Variants in TNRC18 observed in about 807,000 individuals in gnomAD.
The protein encoded by TNRC18 is trinucleotide repeat-containing gene 18 protein.
A neutral mutation model predicts 226.7 loss-of-function variants in TNRC18; 69 were observed. The observed-to-expected ratio is 0.30, with a 90% CI of 0.25 to 0.37. The LOEUF is 0.37. Among genes scored for constraint, TNRC18 ranks in the 10% least tolerant of loss-of-function variants. TNRC18 has a pLI of 1.00. For missense variants in TNRC18, 4,754 were observed against 4,256.6 expected (o/e 1.12, Z -3.25); for synonymous variants, 2,449 against 1,927.6 (o/e 1.27, Z -7.09).
At position 5,359,546 on chromosome 7, in the gene TNRC18, G is replaced by A. The variant is rs772008918; in HGVS notation, c.4685C>T (p.Thr1562Ile). ...TGCTCCCAGCTCATAATCATCTGAT[G>A]TCAGCAGAGACTTGCTGCTCAGCCT... ...SGKLSSKSLLTSDDYELGAGI... is the reference protein window; with the variant it reads ...SGKLSSKSLLISDDYELGAGI... The change falls in exon 15 of 30, where the codon ACA becomes ATA. Residue 1562 changes from threonine to isoleucine, a missense_variant. Coordinates refer to ENST00000430969, the MANE Select transcript of TNRC18 (RefSeq NM_001080495.3). 1.2e-6 allele frequency: 2 copies of A among 1,613,952 alleles called. No homozygotes were observed. Among genetic ancestry groups the A allele is most frequent in the Non-Finnish European group, 1.7e-6 (2 of 1,179,890 alleles).
intron 2 of TNRC18, among the ~76,000 whole-genome samples, chr7:5,410,391 T>C (rs1362354308): frequency 6.7e-6 from 1 of 150,304 alleles, no homozygotes; most frequent in Non-Finnish European, 1.5e-5. Context: ...ATAGGAATAC[T>C]AGAGAGAATA....
intron 17 of TNRC18, among the ~76,000 whole-genome samples, chr7:5,347,500 C>A (rs112666765): frequency 4.0e-5 from 6 of 151,270 alleles, no homozygotes; most frequent in Non-Finnish European, 7.4e-5. Context: ...CCAGCCCCCC[C>A]GCAAAAATTT....
At chr7:5,360,527 A>ACCTG (rs1554285352) in intron 14 of TNRC18, among the ~76,000 whole-genome samples, 2 of 152,018 alleles carry the variant, frequency 1.3e-5, no homozygotes, top group Non-Finnish European at 2.9e-5. Context: ...ACCGTGGCCA[A>ACCTG]CCTGTGTACT....
Position 5,394,679 on chromosome 7 carries a change from C to G in TNRC18, c.188-84G>C, listed in dbSNP as rs1305450138. 2.9e-6 allele frequency: 3 copies of G among 1,038,212 alleles called. No homozygotes were observed. Among genetic ancestry groups the G allele is most frequent in the Non-Finnish European group, 4.2e-6 (3 of 716,202 alleles). 64.3% of individuals were successfully genotyped at this position (1,038,212 alleles called of 1,614,324 possible). On this transcript the variant is annotated intron_variant, in intron 2 of 29. Coordinates refer to ENST00000430969, the MANE Select transcript of TNRC18 (RefSeq NM_001080495.3). The surrounding 1 kb of genome is among the most constrained non-coding windows in gnomAD (Gnocchi z 4.5). ...AGCCCACCGCCCCGACCCACCGCCC[C>G]GAGACCGCCGCCTCTCCCCAGCTGT...
chr7:5,332,659 T>A lies in TNRC18; in HGVS notation c.6110A>T (p.Asp2037Val). 1 of 1,530,880 alleles carries A rather than the reference T, an allele frequency of 6.5e-7. No homozygotes were observed. Among genetic ancestry groups the A allele is most frequent in the Non-Finnish European group, 8.8e-7 (1 of 1,141,356 alleles). 94.8% of individuals were successfully genotyped at this position (1,530,880 alleles called of 1,614,324 possible). The stretch of plus-strand genomic sequence containing the variant: ...CTTCCTGTCCTTTGCACGCCCGGCG[T>A]CCTTGCGCGGGCTCAGGGGGCCGCC... ...AKGGPLSPRK[D>V]AGRAKDRKDP... The change falls in exon 19 of 30, where the codon GAC (aspartate) becomes GTC (valine). Residue 2037 changes from aspartate to valine, a missense_variant. Transcript: ENST00000430969.
At chr7:5,317,797 C>T (rs1176751858) in intron 24 of TNRC18, among the ~76,000 whole-genome samples, 1 of 151,748 alleles carries the variant, frequency 6.6e-6, no homozygotes, top group Non-Finnish European at 1.5e-5. Flanking sequence ...CCTCGACCAC[C>T]CAGGCTCAGG....
chr7:5,317,883 T>G (rs953600360), intron 24 of TNRC18, among the ~76,000 whole-genome samples: 15 of 151,930 alleles, frequency 9.9e-5, no homozygotes, highest in African/African-American at 3.6e-4. Flanking sequence ...TAATTTTTTT[T>G]TTTTGAGACA....
At chr7:5,400,568 C>G (rs1031844149) in intron 2 of TNRC18, among the ~76,000 whole-genome samples, 13 of 152,258 alleles carry the variant, frequency 8.5e-5, no homozygotes, top group Non-Finnish European at 1.5e-4. Context: ...GCCGAGATCA[C>G]GCCACTGCAC....
intron 2 of TNRC18, among the ~76,000 whole-genome samples, chr7:5,412,449 G>A (rs1056729510): frequency 5.3e-5 from 8 of 151,936 alleles, no homozygotes; most frequent in Non-Finnish European, 8.8e-5. Context: ...GGTGGCAGGC[G>A]TGTGTAATCT....
At chr7:5,405,762 T>A (rs555109318) in intron 2 of TNRC18, among the ~76,000 whole-genome samples, 2 of 151,478 alleles carry the variant, frequency 1.3e-5, no homozygotes, top group African/African-American at 4.9e-5. Flanking sequence ...AAAATAAAAA[T>A]AAAAAGTATA....
chr7:5,361,543 C>G, intron 14 of TNRC18, 51 bp downstream of exon 14: 3 of 1,440,648 alleles, frequency 2.1e-6, no homozygotes, highest in Non-Finnish European at 2.7e-6. Flanking sequence ...GCCCGGGCTC[C>G]TCCCCTCAAG....
At chr7:5,404,762 C>CTGTGTGTGTGTG (rs1562627364) in intron 2 of TNRC18, among the ~76,000 whole-genome samples, 2 of 108,918 alleles carry the variant, frequency 1.8e-5, no homozygotes, top group African/African-American at 9.5e-5. Flanking sequence ...TGCACACTTT[C>CTGTGTGTGTGTG]AGTGTGTGTG....
intron 17 of TNRC18, among the ~76,000 whole-genome samples, chr7:5,348,263 C>G (rs943797170): frequency 6.6e-6 from 1 of 152,230 alleles, no homozygotes; most frequent in African/African-American, 2.4e-5. Flanking sequence ...AAGTGCCACC[C>G]ATGAGCAGGT....
chr7:5,365,096 C>T (rs1793485723), intron 11 of TNRC18, among the ~76,000 whole-genome samples: 1 of 152,064 alleles, frequency 6.6e-6, no homozygotes, highest in South Asian at 2.1e-4. Context: ...TAAGTCATCT[C>T]CCATTGATGG....
chr7:5,333,777 C>T (rs934169580), intron 18 of TNRC18, among the ~76,000 whole-genome samples: 5 of 152,178 alleles, frequency 3.3e-5, no homozygotes, highest in South Asian at 2.1e-4. Flanking sequence ...CTCCTTGGAA[C>T]GGCGCTAAGT....
intron 18 of TNRC18, among the ~76,000 whole-genome samples, chr7:5,337,486 A>AG (rs898096775): frequency 2.0e-5 from 3 of 151,798 alleles, no homozygotes; most frequent in African/African-American, 7.3e-5. Context: ...TGTTTCAAAA[A>AG]AAAAAAAGGA....
At chr7:5,420,944 C>G (rs888975224) in intron 2 of TNRC18, 116 bp downstream of exon 2, 1 of 1,320,852 alleles carries the variant, frequency 7.6e-7, no homozygotes, top group Non-Finnish European at 1.1e-6. Context: ...TGCCCGCACC[C>G]CCGTGGCCGA....
rs1204171136 is a variant in TNRC18 at position 5,389,016 on chromosome 7, T to C, written c.808A>G (p.Lys270Glu). The C allele has an allele frequency of 7.5e-7, 1 of 1,337,276 alleles. No homozygotes were observed. The allele number at this position is 1,337,276 out of a possible 1,614,324, so 82.8% of individuals were successfully genotyped here. Residue 270 changes from lysine (K) to glutamate (E), a missense_variant, in exon 5 of 30, where the codon AAG becomes GAG. By Grantham distance (56) the Lys-to-Glu change is moderately conservative. Transcript: ENST00000430969. ...GGCTGCAGCGCCGCATTCTTGGTCT[T>C]GGACTCAGCCAGGAAGGGCGACAGG... ...ERLSPFLAESKTKNAALQPSV... is the reference protein window; with the variant it reads ...ERLSPFLAESETKNAALQPSV...
At chr7:5,375,168 G>A (rs1191864455) in intron 9 of TNRC18, among the ~76,000 whole-genome samples, 4 of 152,148 alleles carry the variant, frequency 2.6e-5, no homozygotes, top group Admixed American at 1.3e-4. Flanking sequence ...AATTAGCCGT[G>A]CATGACAGCA....
Sources: gnomAD v4.1 joint callset for allele counts (sites outside exome capture counted in the v4.1 genomes callset) on GRCh38, gnomAD v4.1.1 for gene constraint, Gnocchi (gnomAD v3.1) non-coding constraint, MANE v1.5 for transcripts, NCBI Gene and HGNC (gene_info 2026-07-23, HGNC 2026-07-21) for gene names.